The following IPO11 variants were observed in gnomAD, a reference collection of about 807,000 sequenced individuals.
The protein encoded by IPO11 is importin 11.
In IPO11, 66 loss-of-function variants were observed where a neutral mutation model predicts 143.2. The observed-to-expected ratio is 0.46, with a 90% CI of 0.38 to 0.57. IPO11 has a LOEUF of 0.57. Ranked by LOEUF, IPO11 falls within the 20% of genes least tolerant of loss-of-function variation. The pLI is 0.00. For synonymous variants in IPO11, 385 were observed against 377.8 expected, an observed-to-expected ratio of 1.02 and a Z score of -0.22; for missense variants, 1,026 against 1,141.0, an observed-to-expected ratio of 0.90 and a Z score of 1.45.
chr5:62,508,190 A>G (rs1741624582), intron 19 of IPO11, among the ~76,000 whole-genome samples: 1 of 152,012 alleles, frequency 6.6e-6, no homozygotes, highest in African/African-American at 2.4e-5. Flanking sequence ...GCAGTGGCGC[A>G]TCTCAGCTGA....
chr5:62,478,382 G>A lies in IPO11; in HGVS notation c.828+1629G>A, dbSNP rs183451202. ...GGGTTTTGCCATGTTGCCCAGGCTG[G>A]TCTCGAACTTCTGGGCTCAAGTGAT... On this transcript the variant is annotated intron_variant, in intron 9 of 29. Coordinates refer to ENST00000325324, the MANE Select transcript of IPO11 (RefSeq NM_016338.5). Among the ~76,000 whole-genome samples the A allele has an allele frequency of 7.2e-5, 11 of 152,180 alleles. No homozygotes were observed. In the East Asian group the frequency reaches 2.1e-3, roughly 29 times the overall value.
At chr5:62,479,535 C>G (rs1419598030) in intron 9 of IPO11, among the ~76,000 whole-genome samples, 1 of 152,166 alleles carries the variant, frequency 6.6e-6, no homozygotes, top group Non-Finnish European at 1.5e-5. Context: ...AATGGTTGAA[C>G]CAGTTTACAG....
At chr5:62,520,361 A>G (rs1173008462) in intron 20 of IPO11, among the ~76,000 whole-genome samples, 2 of 151,772 alleles carry the variant, frequency 1.3e-5, no homozygotes, top group African/African-American at 4.9e-5. Flanking sequence ...CATCATCTTG[A>G]AGAGATACGA....
At chr5:62,585,342 G>A (rs987880002) in intron 27 of IPO11, among the ~76,000 whole-genome samples, 1 of 152,104 alleles carries the variant, frequency 6.6e-6, no homozygotes, top group Non-Finnish European at 1.5e-5. Context: ...TCTAGAATCA[G>A]GACCATACCT....
At chr5:62,416,724 T>A (rs1027686838) in intron 1 of IPO11, among the ~76,000 whole-genome samples, 2 of 151,664 alleles carry the variant, frequency 1.3e-5, no homozygotes, top group Non-Finnish European at 2.9e-5. Flanking sequence ...TCTTTTTTTT[T>A]TTTTATTTTT....
chr5:62,483,719 A>G (rs1232273021), intron 10 of IPO11, among the ~76,000 whole-genome samples: 1 of 152,100 alleles, frequency 6.6e-6, no homozygotes, highest in Non-Finnish European at 1.5e-5. Flanking sequence ...GGTGGGGGAG[A>G]GAGAAACACA....
chr5:62,582,608 A>G (rs1268269324), intron 27 of IPO11, among the ~76,000 whole-genome samples: 1 of 152,214 alleles, frequency 6.6e-6, no homozygotes. Flanking sequence ...TGCACCCTTT[A>G]CAGTAACAAT....
At chr5:62,581,342 C>T in intron 27 of IPO11, 1 of 1,426,470 alleles carries the variant, frequency 7.0e-7, no homozygotes, top group Non-Finnish European at 9.2e-7. Flanking sequence ...AACTTCAGTG[C>T]CATGGACATG....
In IPO11 at chr5:62,467,173, C is replaced by T; in HGVS notation, c.559C>T (p.His187Tyr). Residue 187 changes from histidine to tyrosine, a missense_variant, in exon 6 of 30, where the codon CAC (histidine) becomes TAC (tyrosine). Physicochemically the swap from His to Tyr is moderately conservative, Grantham distance 83. Coordinates refer to ENST00000325324, the MANE Select transcript of IPO11 (RefSeq NM_016338.5). ...TAATTTTGCCTGCTCTCTGTGGAAT[C>T]ACCACACAGACACATTCCTGCAAGA... ...IYNFACSLWN[H>Y]HTDTFLQEVS... The T allele has an allele frequency of 6.2e-7, 1 of 1,612,722 alleles. No individual in the cohort carries two copies. The highest frequency in any genetic ancestry group is 8.5e-7 in the Non-Finnish European group (1 of 1,179,636).
At chr5:62,532,175 C>G (rs1742569774) in intron 22 of IPO11, among the ~76,000 whole-genome samples, 1 of 152,178 alleles carries the variant, frequency 6.6e-6, no homozygotes, top group East Asian at 1.9e-4. Context: ...ATTCAGCATG[C>G]TTAGTCTCCA....
Position 62,510,018 on chromosome 5 carries a change from T to C in IPO11, c.1782+3661T>C, listed in dbSNP as rs181595274. Among the ~76,000 whole-genome samples the C allele has an allele frequency of 3.8e-4, 58 of 152,304 alleles. 1 individual carries two copies. Among genetic ancestry groups the C allele is most frequent in the African/African-American group, 1.3e-3 (56 of 41,572 alleles). On this transcript the variant is annotated intron_variant, in intron 19 of 29. Coordinates refer to ENST00000325324, the MANE Select transcript of IPO11 (RefSeq NM_016338.5). ...TAACATTTTACATTCCTAGCAACAG[T>C]GTACAAAGATACCAGTTTCTCCACA...
chr5:62,604,756 T>C (rs1483343611), intron 29 of IPO11, among the ~76,000 whole-genome samples: 2 of 152,216 alleles, frequency 1.3e-5, no homozygotes, highest in Non-Finnish European at 2.9e-5. Context: ...ACCTTGGTCT[T>C]GCTCTTGGAT....
chr5:62,503,854 G>A (rs1004337086), intron 16 of IPO11, among the ~76,000 whole-genome samples: 2 of 152,060 alleles, frequency 1.3e-5, no homozygotes, highest in African/African-American at 4.8e-5. Flanking sequence ...AAAAATGACT[G>A]GAAAGAAAAT....
At chr5:62,616,282 G>A (rs935886906) in intron 29 of IPO11, among the ~76,000 whole-genome samples, 10 of 152,274 alleles carry the variant, frequency 6.6e-5, no homozygotes, top group South Asian at 4.1e-4. Flanking sequence ...TTGAGATCCC[G>A]TAGTAGGAAA....
chr5:62,579,755 A>C, intron 27 of IPO11: 1 of 1,545,744 alleles, frequency 6.5e-7, no homozygotes, highest in Non-Finnish European at 8.7e-7. Flanking sequence ...GCCTTTGTTC[A>C]ATTGAGGCAT....
In IPO11 at chr5:62,494,035, G is replaced by A; in HGVS notation, c.1501G>A (p.Gly501Ser). The A allele has an allele frequency of 2.5e-6, 4 of 1,612,610 alleles. No homozygotes were observed. The highest frequency in any genetic ancestry group is 2.5e-6 in the Non-Finnish European group (3 of 1,179,280). Reference protein sequence around the residue: ...PLRRRVIWLIGQWISVKFKSD... With the variant: ...PLRRRVIWLISQWISVKFKSD... ...GCGACGCAGGGTGATTTGGCTCATC[G>A]GTCAGTGGATTTCTGTGAAATTCAA... Residue 501 changes from glycine to serine, a missense_variant, in exon 16 of 30, where the codon GGT (glycine) becomes AGT (serine). By Grantham distance (56) the Gly-to-Ser change is moderately conservative. Transcript: ENST00000325324.
intron 5 of IPO11, among the ~76,000 whole-genome samples, chr5:62,464,143 GTTTTTTTT>G (rs34056674): frequency 1.3e-5 from 1 of 78,682 alleles, no homozygotes; most frequent in African/African-American, 5.2e-5. Context: ...GTTTTTGGTG[GTTTTTTTT>G]TTTTTTTTTT....
At chr5:62,559,880 C>G (rs961815340) in intron 26 of IPO11, among the ~76,000 whole-genome samples, 3 of 121,934 alleles carry the variant, frequency 2.5e-5, no homozygotes, top group Admixed American at 2.2e-4. Context: ...CACGCCATTG[C>G]ACTTCAGCCT....
chr5:62,614,623 G>A (rs1026359416), intron 29 of IPO11, among the ~76,000 whole-genome samples: 2 of 152,322 alleles, frequency 1.3e-5, no homozygotes, highest in African/African-American at 4.8e-5. Flanking sequence ...ACAGGTAGGT[G>A]CAGGAGCCAG....
Sources: gnomAD v4.1 joint callset for allele counts (sites outside exome capture counted in the v4.1 genomes callset) on GRCh38, gnomAD v4.1.1 for gene constraint, MANE v1.5 for transcripts, NCBI Gene and HGNC (gene_info 2026-07-23, HGNC 2026-07-21) for gene names.